The following LEKR1 variants were observed in gnomAD, a reference collection of about 807,000 sequenced individuals.
LEKR1 encodes the protein protein LEKR1.
In LEKR1, 59 loss-of-function variants were observed where a neutral mutation model predicts 72.4. That is an observed-to-expected ratio of 0.82 (90% CI 0.66 to 1.01). The LOEUF is 1.01. LEKR1 is among the 50% of genes least tolerant of loss of function. LEKR1 has a pLI of 0.00. For missense variants in LEKR1, 728 were observed against 759.2 expected (o/e 0.96, Z 0.48); for synonymous variants, 257 against 263.2 (o/e 0.98, Z 0.23).
chr3:156,879,794 G>A (rs146979595), intron 3 of LEKR1, among the ~76,000 whole-genome samples: 151 of 152,356 alleles, frequency 9.9e-4, no homozygotes, highest in African/African-American at 3.5e-3. Context: ...AAGGCGCCAA[G>A]GTACAGCTCG....
intron 7 of LEKR1, among the ~76,000 whole-genome samples, chr3:156,986,445 A>G (rs1298263635): frequency 6.6e-6 from 1 of 152,222 alleles, no homozygotes; most frequent in Non-Finnish European, 1.5e-5. Context: ...GGTTTAGCCT[A>G]AGACTGTAGC....
intron 6 of LEKR1, among the ~76,000 whole-genome samples, chr3:156,958,195 T>C (rs888583257): frequency 3.3e-5 from 5 of 152,136 alleles, no homozygotes; most frequent in Non-Finnish European, 5.9e-5. Flanking sequence ...ACAATCTTAC[T>C]CATTCTCATA....
intron 10 of LEKR1, among the ~76,000 whole-genome samples, chr3:157,023,529 G>T (rs891083581): frequency 6.6e-6 from 1 of 152,106 alleles, no homozygotes; most frequent in Non-Finnish European, 1.5e-5. Context: ...GAGACTGAAG[G>T]GTCAGAGTGT....
intron 2 of LEKR1, among the ~76,000 whole-genome samples, chr3:156,841,344 G>A (rs1179153091): frequency 6.6e-6 from 1 of 152,168 alleles, no homozygotes; most frequent in East Asian, 1.9e-4. Context: ...TTTTTATAAG[G>A]TTTTTATGAG....
rs191900495 is a variant in LEKR1, at chr3:156,856,994, G to A, written c.263+4012G>A. Among the ~76,000 whole-genome samples the A allele has an allele frequency of 2.2e-4, 33 of 152,080 alleles. No homozygotes were observed. In the East Asian group the frequency reaches 6.4e-3, roughly 29 times the overall value. Reference sequence around the variant, plus strand: ...ATGCATCTTTATATTTATTTCTAATGTAATGCAATCCTGCCTAGTATGTTT... The same window carrying A: ...ATGCATCTTTATATTTATTTCTAATATAATGCAATCCTGCCTAGTATGTTT... On this transcript the variant is annotated intron_variant, in intron 3 of 12. Transcript: ENST00000356539.
In LEKR1 at chr3:157,028,358, G is replaced by C; in HGVS notation, c.1624G>C (p.Ala542Pro). ...GGATGAACTGAAAAGAGTAATGCTG[G>C]CTCAAACACAACTGATAGAGCAATT... ...KSDELKRVML[A>P]QTQLIEQFNQ... The change falls in exon 12 of 13, where the codon GCT becomes CCT. Residue 542 changes from alanine (A) to proline (P), a missense_variant. By Grantham distance (27) the Ala-to-Pro change is conservative (BLOSUM62 -1). Coordinates refer to ENST00000356539, the MANE Select transcript of LEKR1 (RefSeq NM_001004316.3). 6.2e-7 allele frequency: 1 copy of C among 1,612,000 alleles called. No homozygotes were observed. Among genetic ancestry groups the C allele is most frequent in the Non-Finnish European group, 8.5e-7 (1 of 1,179,106 alleles).
intron 2 of LEKR1, among the ~76,000 whole-genome samples, chr3:156,841,739 C>T (rs189115753): frequency 2.0e-5 from 3 of 152,318 alleles, no homozygotes; most frequent in African/African-American, 2.4e-5. Flanking sequence ...AAATGTGTTA[C>T]ATAACTTCTT....
chr3:156,985,742 C>T (rs1255292618), intron 7 of LEKR1, among the ~76,000 whole-genome samples: 2 of 148,992 alleles, frequency 1.3e-5, no homozygotes, highest in Non-Finnish European at 3.0e-5. Flanking sequence ...GGCTGAGGCA[C>T]AAGAATCTCT....
At chr3:156,918,046 C>T (rs1258345425) in intron 3 of LEKR1, among the ~76,000 whole-genome samples, 2 of 151,698 alleles carry the variant, frequency 1.3e-5, no homozygotes, top group Non-Finnish European at 2.9e-5. Flanking sequence ...CAGAAAACTA[C>T]GAAAGAAGAA....
intron 9 of LEKR1, among the ~76,000 whole-genome samples, chr3:157,010,880 G>A (rs753461023): frequency 8.6e-5 from 13 of 152,004 alleles, no homozygotes; most frequent in African/African-American, 1.2e-4. Flanking sequence ...TTGCATCCCC[G>A]ACATCACACA....
At chr3:156,973,108 T>C (rs1729384039) in intron 6 of LEKR1, among the ~76,000 whole-genome samples, 1 of 152,158 alleles carries the variant, frequency 6.6e-6, no homozygotes, top group Non-Finnish European at 1.5e-5. Context: ...TACTGTATTT[T>C]AATCTTAGGC....
chr3:156,922,792 T>C (rs762885765), intron 4 of LEKR1, among the ~76,000 whole-genome samples: 12 of 152,182 alleles, frequency 7.9e-5, no homozygotes, highest in Admixed American at 6.6e-5. Flanking sequence ...AATATAGATA[T>C]ATTTCACCTC....
At chr3:157,011,179 TCTTATTA>T (rs1046674330) in intron 9 of LEKR1, among the ~76,000 whole-genome samples, 1 of 152,096 alleles carries the variant, frequency 6.6e-6, no homozygotes, top group East Asian at 1.9e-4. Context: ...CAAAATAATA[TCTTATTA>T]CTTATTAAGC....
intron 2 of LEKR1, among the ~76,000 whole-genome samples, chr3:156,834,208 T>G (rs540639467): frequency 1.3e-5 from 2 of 152,154 alleles, no homozygotes; most frequent in South Asian, 4.1e-4. Context: ...AGAAAACCAT[T>G]ATTCTGACAC....
intron 6 of LEKR1, among the ~76,000 whole-genome samples, chr3:156,958,644 G>A (rs1315652164): frequency 1.3e-5 from 2 of 151,994 alleles, no homozygotes; most frequent in African/African-American, 2.4e-5. Flanking sequence ...GGCTGACCAT[G>A]TCCTGGAACT....
chr3:156,909,668 A>AG (rs1221332399), intron 3 of LEKR1, among the ~76,000 whole-genome samples: 14 of 144,268 alleles, frequency 9.7e-5, no homozygotes, highest in Admixed American at 6.7e-5. Flanking sequence ...AAAAAAAAAA[A>AG]AAAAGAAATC....
intron 6 of LEKR1, among the ~76,000 whole-genome samples, chr3:156,945,867 T>C (rs1726631684): frequency 6.6e-6 from 1 of 151,814 alleles, no homozygotes; most frequent in African/African-American, 2.4e-5. Context: ...GTAGTATAAT[T>C]TGAAGTCAGG....
chr3:156,831,664 C>T (rs1712422068), intron 2 of LEKR1, among the ~76,000 whole-genome samples: 1 of 152,108 alleles, frequency 6.6e-6, no homozygotes, highest in Non-Finnish European at 1.5e-5. Context: ...CAGGGGCGCT[C>T]CTCTTTATAA....
At chr3:157,030,850 TG>T (rs1734552970) in intron 12 of LEKR1, among the ~76,000 whole-genome samples, 1 of 152,160 alleles carries the variant, frequency 6.6e-6, no homozygotes, top group African/African-American at 2.4e-5. Flanking sequence ...CTCAGTTCCT[TG>T]CCACATGGAC....
Sources: gnomAD v4.1 joint callset for allele counts (sites outside exome capture counted in the v4.1 genomes callset) on GRCh38, gnomAD v4.1.1 for gene constraint, MANE v1.5 for transcripts, NCBI Gene and HGNC (gene_info 2026-07-23, HGNC 2026-07-21) for gene names.